Variants in RTTN observed in about 807,000 individuals in gnomAD.
RTTN encodes the protein rotatin.
A neutral mutation model predicts 269.2 loss-of-function variants in RTTN; 182 were observed. The observed-to-expected ratio is 0.68, with a 90% CI of 0.60 to 0.76. RTTN has a LOEUF of 0.76. Among genes scored for constraint, RTTN ranks in the 30% least tolerant of loss-of-function variants. The pLI is 0.00. For synonymous variants in RTTN, 1,006 were observed against 963.5 expected (o/e 1.04, Z -0.82); for missense variants, 2,545 against 2,608.6 (o/e 0.98, Z 0.53).
chr18:70,173,761 A>G (rs1357627906), intron 11 of RTTN, among the ~76,000 whole-genome samples: 1 of 152,206 alleles, frequency 6.6e-6, no homozygotes, highest in Non-Finnish European at 1.5e-5. Flanking sequence ...GTTTAAAAAT[A>G]CAGTCAGTAA....
rs562185833 is a variant in RTTN at position 70,049,926 on chromosome 18, C to A, written c.5323+1485G>T. Among the ~76,000 whole-genome samples the A allele has an allele frequency of 5.9e-5, 9 of 152,146 alleles. No individual in the cohort carries two copies. The East Asian group carries it at 1.5e-3, about 26-fold the overall frequency. On this transcript the variant is annotated intron_variant, in intron 39 of 48. Transcript: ENST00000640769. ...CTAACTTTCCATGTTATCATGTATA[C>A]CAGATTTTATATATGAAGATGTATC...
intron 9 of RTTN, 37 bp from the exon 10 acceptor site, chr18:70,188,260 G>GTTACTTAAC (rs764846852): frequency 8.9e-7 from 1 of 1,121,402 alleles, no homozygotes; most frequent in South Asian, 1.3e-5. Flanking sequence ...AGGAGAAGAA[G>GTTACTTAAC]TTACTTAACT....
chr18:70,143,859 T>C (rs1413630376), intron 18 of RTTN, among the ~76,000 whole-genome samples: 2 of 147,792 alleles, frequency 1.4e-5, no homozygotes, highest in Non-Finnish European at 3.0e-5. Context: ...AAGTTTTCCT[T>C]TTTTTTTTTT....
chr18:70,131,421 GT>G (rs2145644070), intron 23 of RTTN: 1 of 151,506 alleles, frequency 6.6e-6, no homozygotes, highest in East Asian at 1.9e-4. Context: ...GAATTAATGT[GT>G]TCTAAGGTCC....
At chr18:70,107,234 A>G (rs2059343692) in intron 28 of RTTN, among the ~76,000 whole-genome samples, 2 of 152,256 alleles carry the variant, frequency 1.3e-5, no homozygotes, top group South Asian at 2.1e-4. Flanking sequence ...GTCGGAACCT[A>G]GGAACCAATA....
At chr18:70,161,283 T>C (rs1456887355) in intron 14 of RTTN, among the ~76,000 whole-genome samples, 1 of 152,188 alleles carries the variant, frequency 6.6e-6, no homozygotes, top group African/African-American at 2.4e-5. Flanking sequence ...CTGGAATAAC[T>C]GGTTAGGCGT....
At chr18:70,048,303 T>G in intron 39 of RTTN, 115 bp from the exon 40 acceptor site, 1 of 989,308 alleles carries the variant, frequency 1.0e-6, no homozygotes, top group East Asian at 2.6e-5. Context: ...TACCAACTTG[T>G]GTGATTGTGT....
chr18:70,039,654 AAC>A (rs2057281613), intron 40 of RTTN, among the ~76,000 whole-genome samples: 1 of 152,184 alleles, frequency 6.6e-6, no homozygotes, highest in African/African-American at 2.4e-5. Context: ...CACGCAGAAA[AAC>A]AGAGACTATT....
At chr18:70,101,652 C>A (rs2059170432) in intron 28 of RTTN, among the ~76,000 whole-genome samples, 1 of 152,122 alleles carries the variant, frequency 6.6e-6, no homozygotes, top group East Asian at 1.9e-4. Context: ...TTTTCTACTT[C>A]TTTTAACTGT....
chr18:70,155,174 T>C (rs1177705650), intron 14 of RTTN, among the ~76,000 whole-genome samples: 1 of 152,168 alleles, frequency 6.6e-6, no homozygotes, highest in Non-Finnish European at 1.5e-5. Flanking sequence ...TATTTCAACA[T>C]ACACAAATGA....
chr18:70,114,722 C>CCTG, intron 26 of RTTN, 123 bp from the exon 27 acceptor site: 1 of 605,662 alleles, frequency 1.7e-6, no homozygotes, highest in Non-Finnish European at 2.7e-6. Context: ...AGGTGTGGGC[C>CCTG]TTTACTGCAT....
chr18:70,069,607 A>G (rs1221673204), intron 34 of RTTN, among the ~76,000 whole-genome samples: 1 of 152,216 alleles, frequency 6.6e-6, no homozygotes, highest in Non-Finnish European at 1.5e-5. Context: ...TCAATGTACA[A>G]AAATGATTTT....
chr18:70,038,830 A>T (rs1429340936), intron 40 of RTTN, among the ~76,000 whole-genome samples: 1 of 152,242 alleles, frequency 6.6e-6, no homozygotes, highest in East Asian at 1.9e-4. Flanking sequence ...AAGAAATTCA[A>T]AATAAGAGAA....
rs2060207576 is a variant in RTTN, at chr18:70,139,636, G to A, written c.2751C>T (p.Leu917=). ...CGGTCAAAAGAGAAGACTGTTGCGA[G>A]AGCGAAACACGCATGACTGGATCAC... The part of the protein sequence containing the change: ...LCGDPVMRVS[L]SQQSSLLTVL... The change falls in exon 21 of 49, where the codon CTC becomes CTT. Residue 917 remains leucine, a synonymous_variant. Transcript: ENST00000640769. The A allele has an allele frequency of 6.2e-7, 1 of 1,612,858 alleles. No homozygotes were observed.
intron 21 of RTTN, among the ~76,000 whole-genome samples, chr18:70,136,996 A>G (rs1392295632): frequency 6.6e-6 from 1 of 152,174 alleles, no homozygotes; most frequent in Non-Finnish European, 1.5e-5. Context: ...GCAACACAAT[A>G]CTGTAATATA....
chr18:70,054,374 A>C (rs530599683), intron 37 of RTTN, 90 bp from the exon 38 acceptor site: 7 of 1,187,532 alleles, frequency 5.9e-6, no homozygotes, highest in Middle Eastern at 2.0e-4. Context: ...AACACAATAA[A>C]AAATAAAATA....
At chr18:70,137,034 A>G (rs1276904934) in intron 21 of RTTN, among the ~76,000 whole-genome samples, 1 of 146,936 alleles carries the variant, frequency 6.8e-6, no homozygotes, top group Non-Finnish European at 1.5e-5. Flanking sequence ...GTGTATGTAG[A>G]AAAAATCATT....
intron 40 of RTTN, among the ~76,000 whole-genome samples, chr18:70,037,093 A>G (rs1261916745): frequency 6.6e-6 from 1 of 152,192 alleles, no homozygotes; most frequent in Non-Finnish European, 1.5e-5. Flanking sequence ...GATCATTTAG[A>G]TCAACTGCCC....
chr18:70,177,387 T>C, intron 10 of RTTN, among the ~76,000 whole-genome samples: 1 of 152,272 alleles, frequency 6.6e-6, no homozygotes, highest in Admixed American at 6.5e-5. Flanking sequence ...TAAACTCTCT[T>C]TAGATAATAA....
Sources: allele counts gnomAD v4.1 joint callset (sites outside exome capture counted in the v4.1 genomes callset), GRCh38; gene constraint gnomAD v4.1.1; transcripts MANE v1.5; gene names NCBI Gene and HGNC (gene_info 2026-07-23, HGNC 2026-07-21).